Variants in EXOC6B observed in about 807,000 individuals in gnomAD.
EXOC6B encodes exocyst complex component 6B.
A neutral mutation model predicts 113.5 loss-of-function variants in EXOC6B; 54 were observed. That is an observed-to-expected ratio of 0.48 (90% CI 0.38 to 0.60). EXOC6B has a LOEUF of 0.60. Ranked by LOEUF, EXOC6B falls within the 20% of genes least tolerant of loss-of-function variation. The probability of loss-of-function intolerance (pLI) is 0.00; values close to 1 mark genes in which losing one functional copy is unlikely to be tolerated. For synonymous variants in EXOC6B, 357 were observed against 339.0 expected (o/e 1.05, Z -0.58); for missense variants, 797 against 977.5 (o/e 0.82, Z 2.46).
intron 20 of EXOC6B, among the ~76,000 whole-genome samples, chr2:72,308,442 T>C (rs867467007): frequency 1.3e-5 from 2 of 152,312 alleles, no homozygotes; most frequent in Middle Eastern, 3.4e-3. Context: ...ATGGAATGGA[T>C]AAGAAGGAAT....
intron 20 of EXOC6B, among the ~76,000 whole-genome samples, chr2:72,236,046 T>C (rs1160859603): frequency 2.0e-5 from 3 of 151,838 alleles, no homozygotes; most frequent in Non-Finnish European, 2.9e-5. Context: ...GAAGAAAGGA[T>C]TCCTACTCAC....
chr2:72,744,402 G>T (rs1350594369), intron 1 of EXOC6B, among the ~76,000 whole-genome samples: 1 of 152,170 alleles, frequency 6.6e-6, no homozygotes, highest in Non-Finnish European at 1.5e-5. Flanking sequence ...GCTTTGACAA[G>T]TAGGAAAACT....
intron 1 of EXOC6B, among the ~76,000 whole-genome samples, chr2:72,819,709 C>A (rs1490246659): frequency 6.6e-6 from 1 of 151,994 alleles, no homozygotes; most frequent in Non-Finnish European, 1.5e-5. Context: ...GTGACCAATG[C>A]CTAGCAGGTA....
chr2:72,189,625 T>C (rs1678680110), intron 20 of EXOC6B, among the ~76,000 whole-genome samples: 1 of 152,158 alleles, frequency 6.6e-6, no homozygotes, highest in Admixed American at 6.5e-5. Flanking sequence ...CCTTGCACAT[T>C]TATGAGTTGT....
chr2:72,325,492 G>A (rs1480849606), intron 20 of EXOC6B, among the ~76,000 whole-genome samples: 1 of 151,776 alleles, frequency 6.6e-6, no homozygotes, highest in Non-Finnish European at 1.5e-5. Flanking sequence ...ATTCAAGCCT[G>A]GTGTTTTATC....
intron 6 of EXOC6B, among the ~76,000 whole-genome samples, chr2:72,686,416 CTCTTAGAGAAGAAGTACTA>C (rs2104568719): frequency 1.3e-5 from 2 of 152,270 alleles, no homozygotes; most frequent in South Asian, 4.1e-4. Flanking sequence ...GAGAGATACT[CTCTTAGAGAAGAAGTACTA>C]TTTTCAATAG....
chr2:72,678,765 C>T (rs1323489001), intron 6 of EXOC6B, among the ~76,000 whole-genome samples: 1 of 152,150 alleles, frequency 6.6e-6, no homozygotes, highest in Admixed American at 6.6e-5. Flanking sequence ...CCACAACAGT[C>T]TGTTTAAATT....
intron 8 of EXOC6B, chr2:72,515,715 A>T: frequency 1.0e-6 from 1 of 987,528 alleles, no homozygotes. Flanking sequence ...AGTGCTCTAC[A>T]TAATAATATC....
At chr2:72,185,740 C>CTTT (rs60868469) in intron 20 of EXOC6B, among the ~76,000 whole-genome samples, 11,275 of 143,726 alleles carry the variant, frequency 0.078, 613 homozygotes, top group African/African-American at 0.16. Context: ...GTATTTCTTT[C>CTTT]TTTTTTTTTT....
chr2:72,204,365 T>C (rs926719937), intron 20 of EXOC6B, among the ~76,000 whole-genome samples: 19 of 152,086 alleles, frequency 1.2e-4, no homozygotes, highest in Admixed American at 1.1e-3. Context: ...GGTTCTAGTC[T>C]CTGCTTTCTG....
chr2:72,452,386 C>A (rs1696971857), intron 18 of EXOC6B, among the ~76,000 whole-genome samples: 1 of 151,966 alleles, frequency 6.6e-6, no homozygotes, highest in Non-Finnish European at 1.5e-5. Context: ...AACATTAGTT[C>A]ATAATAGGGG....
intron 18 of EXOC6B, among the ~76,000 whole-genome samples, chr2:72,440,129 G>A (rs977632452): frequency 3.9e-5 from 6 of 152,134 alleles, no homozygotes; most frequent in Non-Finnish European, 8.8e-5. Context: ...GACACTGTTG[G>A]GAGGTCTCAC....
chr2:72,633,179 A>G (rs919251621), intron 6 of EXOC6B, among the ~76,000 whole-genome samples: 6 of 152,234 alleles, frequency 3.9e-5, no homozygotes, highest in Non-Finnish European at 8.8e-5. Flanking sequence ...AACAAAAAGT[A>G]TTCCGTCTGC....
chr2:72,393,387 T>C (rs1692512331), intron 18 of EXOC6B, among the ~76,000 whole-genome samples: 1 of 152,036 alleles, frequency 6.6e-6, no homozygotes, highest in Non-Finnish European at 1.5e-5. Context: ...AGTCACCATG[T>C]CTGGCCAAAG....
chr2:72,397,353 G>A (rs1432992234), intron 18 of EXOC6B, among the ~76,000 whole-genome samples: 1 of 151,994 alleles, frequency 6.6e-6, no homozygotes, highest in Non-Finnish European at 1.5e-5. Context: ...GGGTGCAGTG[G>A]CTCACGCCTG....
chr2:72,567,213 GA>G (rs896816255), intron 7 of EXOC6B, among the ~76,000 whole-genome samples: 3 of 150,900 alleles, frequency 2.0e-5, no homozygotes, highest in East Asian at 1.9e-4. Context: ...TCAAACAGAA[GA>G]AAAAAAAATT....
At chr2:72,603,925 C>G (rs1184175323) in intron 6 of EXOC6B, among the ~76,000 whole-genome samples, 2 of 152,048 alleles carry the variant, frequency 1.3e-5, no homozygotes, top group Non-Finnish European at 2.9e-5. Flanking sequence ...GGACTTCCCC[C>G]ACCCACTACA....
intron 7 of EXOC6B, among the ~76,000 whole-genome samples, chr2:72,573,295 T>C (rs1704625723): frequency 6.6e-6 from 1 of 152,232 alleles, no homozygotes; most frequent in Non-Finnish European, 1.5e-5. Context: ...AGCCACAGTA[T>C]CTGACAGAAT....
At chr2:72,299,192 AT>A (rs1158594172) in intron 20 of EXOC6B, among the ~76,000 whole-genome samples, 2 of 150,934 alleles carry the variant, frequency 1.3e-5, no homozygotes, top group Non-Finnish European at 3.0e-5. Flanking sequence ...TCTTTTCACT[AT>A]TTTTTCTCTA....
Sources: allele counts gnomAD v4.1 joint callset (sites outside exome capture counted in the v4.1 genomes callset), GRCh38; gene constraint gnomAD v4.1.1; transcripts MANE v1.5; gene names NCBI Gene and HGNC (gene_info 2026-07-23, HGNC 2026-07-21).